The following FBXL17 variants were observed in gnomAD, a reference collection of about 807,000 sequenced individuals.
FBXL17 encodes F-box/LRR-repeat protein 17.
FBXL17 carries 22 observed loss-of-function variants against 66.2 expected under a neutral mutation model. The observed-to-expected ratio is 0.33, with a 90% CI of 0.24 to 0.47. FBXL17 has a LOEUF of 0.47. FBXL17 is among the 20% of genes least tolerant of loss of function. The probability of loss-of-function intolerance (pLI) is 1.00; values close to 1 mark genes in which losing one functional copy is unlikely to be tolerated. For synonymous variants in FBXL17, 474 were observed against 400.5 expected (o/e 1.18, Z -2.19); for missense variants, 878 against 948.2 (o/e 0.93, Z 0.97).
At chr5:108,213,172 G>A (rs772569791) in intron 5 of FBXL17, among the ~76,000 whole-genome samples, 1 of 152,024 alleles carries the variant, frequency 6.6e-6, no homozygotes, top group Non-Finnish European at 1.5e-5. Flanking sequence ...GCCACAGCAG[G>A]CTGCTGCTGT....
intron 7 of FBXL17, among the ~76,000 whole-genome samples, chr5:107,890,066 T>C (rs938762982): frequency 1.3e-5 from 2 of 152,152 alleles, no homozygotes; most frequent in African/African-American, 2.4e-5. Flanking sequence ...ACCTTACAAC[T>C]GTAACATTCG....
At chr5:107,888,165 T>C (rs1386450351) in intron 7 of FBXL17, among the ~76,000 whole-genome samples, 1 of 152,172 alleles carries the variant, frequency 6.6e-6, no homozygotes, top group African/African-American at 2.4e-5. Context: ...GTAAACATTT[T>C]CCTTTTCTTC....
At chr5:108,133,832 C>A (rs1271183866) in intron 6 of FBXL17, among the ~76,000 whole-genome samples, 1 of 151,684 alleles carries the variant, frequency 6.6e-6, no homozygotes, top group African/African-American at 2.4e-5. Flanking sequence ...ATTTCCTTGT[C>A]TGTAAAAATG....
intron 6 of FBXL17, among the ~76,000 whole-genome samples, chr5:108,169,842 T>G (rs1752541616): frequency 6.6e-6 from 1 of 152,204 alleles, no homozygotes; most frequent in South Asian, 2.1e-4. Flanking sequence ...TCACTAGGTT[T>G]GATTGCTATC....
At chr5:108,160,170 A>G (rs1229736087) in intron 6 of FBXL17, among the ~76,000 whole-genome samples, 2 of 152,240 alleles carry the variant, frequency 1.3e-5, no homozygotes, top group Non-Finnish European at 2.9e-5. Flanking sequence ...ATGAGCCACA[A>G]TGAAAAGACA....
At chr5:108,292,309 T>C (rs557290196) in intron 4 of FBXL17, among the ~76,000 whole-genome samples, 3 of 152,060 alleles carry the variant, frequency 2.0e-5, no homozygotes, top group Admixed American at 6.5e-5. Context: ...TTAGTAGAGA[T>C]AGGGTTTCTC....
chr5:108,014,160 T>C (rs1264575396), intron 7 of FBXL17, among the ~76,000 whole-genome samples: 3 of 152,174 alleles, frequency 2.0e-5, no homozygotes, highest in South Asian at 2.1e-4. Context: ...TTCCTATACC[T>C]ATAGAAGACT....
At chr5:108,308,509 T>C (rs538223106) in intron 4 of FBXL17, among the ~76,000 whole-genome samples, 1 of 152,228 alleles carries the variant, frequency 6.6e-6, no homozygotes, top group South Asian at 2.1e-4. Context: ...ACAAGTATAT[T>C]CTGCGGTCAA....
At chr5:108,125,188 C>G (rs565114966) in intron 6 of FBXL17, among the ~76,000 whole-genome samples, 1 of 151,984 alleles carries the variant, frequency 6.6e-6, no homozygotes, top group South Asian at 2.1e-4. Flanking sequence ...AAATGTAATG[C>G]AACATAAATG....
intron 6 of FBXL17, among the ~76,000 whole-genome samples, chr5:108,054,276 G>A (rs1341576523): frequency 6.6e-6 from 1 of 151,758 alleles, no homozygotes; most frequent in Non-Finnish European, 1.5e-5. Flanking sequence ...TATTTCTTCT[G>A]CATCCCTGAA....
intron 4 of FBXL17, among the ~76,000 whole-genome samples, chr5:108,255,688 C>T (rs1308959499): frequency 6.6e-6 from 1 of 152,120 alleles, no homozygotes; most frequent in African/African-American, 2.4e-5. Context: ...TCATTTCTAA[C>T]AGGTGATCTG....
chr5:107,934,435 C>CA (rs1268112108), intron 7 of FBXL17, among the ~76,000 whole-genome samples: 2 of 152,096 alleles, frequency 1.3e-5, no homozygotes, highest in Non-Finnish European at 2.9e-5. Flanking sequence ...AACTATTTCC[C>CA]AAAAAGTAAA....
intron 3 of FBXL17, among the ~76,000 whole-genome samples, chr5:108,354,538 A>AAG (rs1400366183): frequency 6.6e-6 from 1 of 152,024 alleles, no homozygotes. Context: ...ATACCAAGAA[A>AAG]AGAGAGAGAG....
At chr5:108,204,871 A>G (rs568032451) in intron 5 of FBXL17, among the ~76,000 whole-genome samples, 70 of 152,154 alleles carry the variant, frequency 4.6e-4, no homozygotes, top group African/African-American at 1.7e-3. Flanking sequence ...GGTATAATAA[A>G]CCTTCATGTC....
chr5:108,317,364 A>G (rs1028906140), intron 4 of FBXL17, among the ~76,000 whole-genome samples: 5 of 150,430 alleles, frequency 3.3e-5, no homozygotes, highest in African/African-American at 1.2e-4. Context: ...AAGATCTGTA[A>G]TAGTCCCAAC....
At chr5:107,870,427 A>C (rs535936966) in intron 8 of FBXL17, among the ~76,000 whole-genome samples, 1 of 152,214 alleles carries the variant, frequency 6.6e-6, no homozygotes, top group Non-Finnish European at 1.5e-5. Context: ...CAAGTCTTAG[A>C]TCTCTAATTA....
At chr5:107,989,098 G>A (rs963013105) in intron 7 of FBXL17, among the ~76,000 whole-genome samples, 7 of 152,000 alleles carry the variant, frequency 4.6e-5, no homozygotes, top group African/African-American at 1.4e-4. Context: ...TGGTAATTGA[G>A]ATATTCGTCA....
intron 7 of FBXL17, among the ~76,000 whole-genome samples, chr5:107,931,204 C>A (rs1561326268): frequency 6.6e-6 from 1 of 151,792 alleles, no homozygotes; most frequent in Non-Finnish European, 1.5e-5. Flanking sequence ...CTAGGAAACA[C>A]ATAAGAAGTC....
intron 6 of FBXL17, among the ~76,000 whole-genome samples, chr5:108,138,037 T>C (rs946755549): frequency 2.6e-5 from 4 of 152,176 alleles, no homozygotes; most frequent in Non-Finnish European, 4.4e-5. Flanking sequence ...CCTAAGAAAG[T>C]TCTCAGGACC....
Sources: allele counts gnomAD v4.1 joint callset (sites outside exome capture counted in the v4.1 genomes callset), GRCh38; gene constraint gnomAD v4.1.1; transcripts MANE v1.5; gene names NCBI Gene and HGNC (gene_info 2026-07-23, HGNC 2026-07-21).